TP53BP1: variants seen among roughly 807,000 people sequenced by gnomAD.
TP53BP1 encodes the protein tumor protein p53 binding protein 1.
Under a neutral mutation model 200.8 loss-of-function variants are expected in TP53BP1, and 61 were observed. The observed-to-expected ratio is 0.30, with a 90% CI of 0.25 to 0.38. The LOEUF (loss-of-function observed/expected upper bound fraction) is 0.38, where lower values mean the gene tolerates loss of function less well. TP53BP1 is among the 10% of genes least tolerant of loss of function. The pLI, the probability that TP53BP1 is intolerant of heterozygous loss-of-function variation, is 1.00. For synonymous variants in TP53BP1, 822 were observed against 844.3 expected (o/e 0.97, Z 0.46); for missense variants, 2,144 against 2,371.9 (o/e 0.90, Z 2.00).
At chr15:43,432,721 G>A in intron 16 of TP53BP1, 44 bp from the exon 17 acceptor site, 1 of 1,561,620 alleles carries the variant, frequency 6.4e-7, no homozygotes, top group Non-Finnish European at 8.7e-7. Flanking sequence ...TTAAGCAAGT[G>A]TATGTGTGAA....
chr15:43,447,040 C>T (rs2046057745), intron 13 of TP53BP1: 4 of 483,666 alleles, frequency 8.3e-6, no homozygotes, highest in Admixed American at 7.9e-5. Flanking sequence ...AATAGTACTT[C>T]TACCTTACTT....
At chr15:43,464,583 T>G (rs533608609) in intron 11 of TP53BP1, among the ~76,000 whole-genome samples, 1 of 152,114 alleles carries the variant, frequency 6.6e-6, no homozygotes, top group South Asian at 2.1e-4. Flanking sequence ...CTGTGGTATA[T>G]CCACACAATT....
chr15:43,446,130 C>T (rs2046036264), intron 14 of TP53BP1, among the ~76,000 whole-genome samples: 1 of 152,138 alleles, frequency 6.6e-6, no homozygotes, highest in Non-Finnish European at 1.5e-5. Flanking sequence ...CTACCCTATT[C>T]TGAAGTCTTT....
At chr15:43,410,902 T>C (rs1335959164) in intron 24 of TP53BP1, among the ~76,000 whole-genome samples, 1 of 152,218 alleles carries the variant, frequency 6.6e-6, no homozygotes, top group African/African-American at 2.4e-5. Flanking sequence ...CTCCACATTC[T>C]TCTCAAATTG....
At chr15:43,460,612 T>C (rs1169106712) in intron 11 of TP53BP1, among the ~76,000 whole-genome samples, 1 of 152,154 alleles carries the variant, frequency 6.6e-6, no homozygotes, top group Non-Finnish European at 1.5e-5. Context: ...AGTAAAGCAT[T>C]CTGTATATTC....
intron 14 of TP53BP1, among the ~76,000 whole-genome samples, chr15:43,442,010 T>G (rs1211855256): frequency 6.6e-6 from 1 of 151,978 alleles, no homozygotes; most frequent in Non-Finnish European, 1.5e-5. Flanking sequence ...ATTTCTTGTT[T>G]TTTGTTTGTT....
chr15:43,422,144 A>G lies in TP53BP1; in HGVS notation c.3829-18T>C. ...TCAGTCTCCTGCAAGGAAAAAATAG[A>G]TACAGAAGATAAAAGATGCCATAAT... On this transcript the variant is annotated intron_variant, in intron 18 of 27. Transcript: ENST00000382044. 6.2e-7 allele frequency: 1 copy of G among 1,608,894 alleles called. No individual in the cohort carries two copies. Among genetic ancestry groups the G allele is most frequent in the African/African-American group, 1.3e-5 (1 of 74,652 alleles).
At chr15:43,442,251 A>C (rs1595560227) in intron 14 of TP53BP1, among the ~76,000 whole-genome samples, 1 of 151,652 alleles carries the variant, frequency 6.6e-6, no homozygotes, top group Non-Finnish European at 1.5e-5. Context: ...ACGCCCGGCT[A>C]ATTTTTTTGT....
At chr15:43,504,293 G>A (rs1306058313) in intron 1 of TP53BP1, among the ~76,000 whole-genome samples, 2 of 152,164 alleles carry the variant, frequency 1.3e-5, no homozygotes, top group Non-Finnish European at 1.5e-5. Context: ...GATTATAAAT[G>A]TGACCCACCG....
At chr15:43,439,052 G>T (rs1369392801) in intron 15 of TP53BP1, among the ~76,000 whole-genome samples, 2 of 152,128 alleles carry the variant, frequency 1.3e-5, no homozygotes, top group Admixed American at 6.5e-5. Flanking sequence ...CAGTAGGGAG[G>T]GGGGTGCTGG....
At position 43,404,327 on chromosome 15, in the gene TP53BP1, C is replaced by A; in HGVS notation, c.*3056G>T. The A allele has an allele frequency of 6.5e-7, 1 of 1,531,854 alleles. No homozygotes were observed. Among genetic ancestry groups the A allele is most frequent in the Non-Finnish European group, 8.8e-7 (1 of 1,133,286 alleles). 94.9% of individuals were successfully genotyped at this position (1,531,854 alleles called of 1,614,324 possible). On this transcript the variant is annotated 3_prime_UTR_variant, in exon 28 of 28. Transcript: ENST00000382044. ...TGTAGAATTTTGAACAAGGCTTTTC[C>A]AAGAAACTCCTCCCTCCGCCCCCAT...
intron 19 of TP53BP1, among the ~76,000 whole-genome samples, chr15:43,421,413 G>A (rs1288529453): frequency 6.6e-6 from 1 of 152,168 alleles, no homozygotes; most frequent in Non-Finnish European, 1.5e-5. Context: ...GCTTCCTACT[G>A]CTGCTGCAAA....
intron 11 of TP53BP1, among the ~76,000 whole-genome samples, chr15:43,458,747 G>A (rs1384660745): frequency 6.6e-6 from 1 of 151,386 alleles, no homozygotes; most frequent in African/African-American, 2.4e-5. Context: ...ACCACTCACT[G>A]TACACTAGCC....
chr15:43,447,584 A>G, intron 12 of TP53BP1, 99 bp from the exon 13 acceptor site: 1 of 1,142,898 alleles, frequency 8.7e-7, no homozygotes, highest in Non-Finnish European at 1.2e-6. Context: ...TGCAAGAAAT[A>G]TTTCAATCAC....
rs547091930 is a variant in TP53BP1, at chr15:43,472,904, G to C, written c.1180+1769C>G. 3.3e-5 allele frequency among the ~76,000 whole-genome samples: 5 copies of C among 152,250 alleles called. No individual in the cohort carries two copies. In the South Asian group the frequency reaches 1.0e-3, roughly 32 times the overall value. ...TCACTGACGTCAAGAATGAAGCCGC[G>C]GACCCTCACGGTGAGAGTTACAGCT... On this transcript the variant is annotated intron_variant, in intron 10 of 27. Coordinates refer to ENST00000382044, the MANE Select transcript of TP53BP1 (RefSeq NM_001141980.3).
chr15:43,487,025 G>C (rs1299184211), intron 4 of TP53BP1, among the ~76,000 whole-genome samples: 1 of 151,940 alleles, frequency 6.6e-6, no homozygotes, highest in Non-Finnish European at 1.5e-5. Context: ...ACCCTATGAA[G>C]AGAAAGAAAG....
chr15:43,412,697 A>G, intron 24 of TP53BP1: 1 of 471,618 alleles, frequency 2.1e-6, no homozygotes, highest in South Asian at 1.5e-5. Flanking sequence ...GCTCTAGCAG[A>G]TGCCCATAGA....
chr15:43,446,781 G>A, intron 13 of TP53BP1, 191 bp from the exon 14 acceptor site: 4 of 1,511,462 alleles, frequency 2.6e-6, no homozygotes, highest in Non-Finnish European at 3.6e-6. Flanking sequence ...CTTAAGAGGA[G>A]CAACAGGATT....
intron 21 of TP53BP1, among the ~76,000 whole-genome samples, chr15:43,417,822 G>T (rs527753101): frequency 1.3e-5 from 2 of 152,244 alleles, no homozygotes; most frequent in African/African-American, 4.8e-5. Context: ...AATGAACAAA[G>T]GGCAAACAAC....
Sources: gnomAD v4.1 joint callset for allele counts (sites outside exome capture counted in the v4.1 genomes callset) on GRCh38, gnomAD v4.1.1 for gene constraint, MANE v1.5 for transcripts, NCBI Gene and HGNC (gene_info 2026-07-23, HGNC 2026-07-21) for gene names.